HIF1A: variants seen among roughly 807,000 people sequenced by gnomAD.
HIF1A encodes hypoxia inducible factor 1 subunit alpha.
A neutral mutation model predicts 92.7 loss-of-function variants in HIF1A; 24 were observed. The observed-to-expected ratio is 0.26, with a 90% CI of 0.19 to 0.36. HIF1A has a LOEUF of 0.36. Among genes scored for constraint, HIF1A ranks in the 10% least tolerant of loss-of-function variants. The pLI, the probability that HIF1A is intolerant of heterozygous loss-of-function variation, is 1.00. For missense variants in HIF1A, 799 were observed against 998.5 expected, an observed-to-expected ratio of 0.80 and a Z score of 2.69; for synonymous variants, 319 against 338.7, an observed-to-expected ratio of 0.94 and a Z score of 0.64.
chr14:61,729,495 GA>G (rs1296979082), intron 6 of HIF1A, among the ~76,000 whole-genome samples: 1 of 150,694 alleles, frequency 6.6e-6, no homozygotes, highest in Non-Finnish European at 1.5e-5. Flanking sequence ...AAAGACCTCA[GA>G]AGGATGTTGT....
Position 61,727,746 on chromosome 14 carries a change from T to C in HIF1A, c.773+91T>C, listed in dbSNP as rs192503492. The C allele has an allele frequency of 4.4e-4, 427 of 964,732 alleles. 4 individuals are homozygous for C. The East Asian group carries it at 5.2e-3, about 12-fold the overall frequency. The allele number at this position is 964,732 out of a possible 1,614,324, so 59.8% of individuals were successfully genotyped here. On this transcript the variant is annotated intron_variant, in intron 6 of 14. Coordinates refer to ENST00000337138, the MANE Select transcript of HIF1A (RefSeq NM_001530.4). Reference sequence around the variant, plus strand: ...CATAGCAAAGATTCAGCGCTGGCCATGCATGGTGGCTCACACCTGTAATCC... The same window carrying C: ...CATAGCAAAGATTCAGCGCTGGCCACGCATGGTGGCTCACACCTGTAATCC...
chr14:61,702,355 G>A (rs1366633086), intron 1 of HIF1A, among the ~76,000 whole-genome samples: 15 of 149,430 alleles, frequency 1.0e-4, no homozygotes, highest in Admixed American at 8.0e-4. Flanking sequence ...CAGGAGAATC[G>A]CTTGAACCTG....
intron 9 of HIF1A, among the ~76,000 whole-genome samples, chr14:61,737,862 A>G (rs1257956467): frequency 6.6e-6 from 1 of 152,106 alleles, no homozygotes; most frequent in East Asian, 1.9e-4. Context: ...CCCCGTCTCT[A>G]CCAAAAATAC....
intron 1 of HIF1A, among the ~76,000 whole-genome samples, chr14:61,714,483 A>C (rs1249363513): frequency 6.6e-6 from 1 of 152,128 alleles, no homozygotes; most frequent in African/African-American, 2.4e-5. Flanking sequence ...GGAATTAAAA[A>C]CCTTGAGGAT....
At chr14:61,744,553 A>T (rs1347778477) in intron 12 of HIF1A, 152 bp from the exon 13 acceptor site, 1 of 405,028 alleles carries the variant, frequency 2.5e-6, no homozygotes, top group Non-Finnish European at 4.5e-6. Context: ...TACTTTTAAG[A>T]TGATAAACTT....
chr14:61,745,729 T>A lies in HIF1A; in HGVS notation c.2241T>A (p.Thr747=). 6.2e-7 allele frequency: 1 copy of A among 1,612,528 alleles called. No homozygotes were observed. The highest frequency in any genetic ancestry group is 8.5e-7 in the Non-Finnish European group (1 of 1,178,552). ...LLQQPDDHAA[T]TSLSWKRVKG... ...AGCAGCCAGACGATCATGCAGCTAC[T>A]ACATCACTTTCTTGGAAACGTGTAA... The change falls in exon 14 of 15, where the codon ACT becomes ACA. Residue 747 remains threonine, a synonymous_variant. Transcript: ENST00000337138.
At chr14:61,727,760 C>G in intron 6 of HIF1A, 105 bp downstream of exon 6, 2 of 832,750 alleles carry the variant, frequency 2.4e-6, no homozygotes, top group South Asian at 3.0e-5. Flanking sequence ...TGGTGGCTCA[C>G]ACCTGTAATC....
In HIF1A at chr14:61,747,130, T is replaced by C. The variant is rs2057482; in HGVS notation, c.*45T>C. 1,307,300 of 1,548,668 alleles carry C rather than the reference T, an allele frequency of 0.84. 554,863 individuals carry two copies. The highest frequency in any genetic ancestry group is 0.88 in the Admixed American group (44,694 of 50,772). On this transcript the variant is annotated 3_prime_UTR_variant, in exon 15 of 15. Transcript: ENST00000337138. ...CCTTTTTTTGGACACTGGTGGCTCATTACCTAAAGCAGTCTATTTATATTT... is the reference window on the plus strand; with the variant it reads ...CCTTTTTTTGGACACTGGTGGCTCACTACCTAAAGCAGTCTATTTATATTT...
chr14:61,732,395 A>C (rs765791202), intron 6 of HIF1A, 23 bp from the exon 7 acceptor site: 38 of 1,500,408 alleles, frequency 2.5e-5, no homozygotes, highest in Admixed American at 3.6e-5. Context: ...TTTTTTCTTA[A>C]ATCTTGTATT....
chr14:61,746,947 A>G lies in HIF1A; in HGVS notation c.2343A>G (p.Arg781=). 1 of 1,603,996 alleles carries G rather than the reference A, an allele frequency of 6.2e-7. No individual in the cohort carries two copies. Among genetic ancestry groups the G allele is most frequent in the South Asian group, 1.1e-5 (1 of 88,788 alleles). The change falls in exon 15 of 15, where the codon AGA becomes AGG. Residue 781 remains arginine, a synonymous_variant. Coordinates refer to ENST00000337138, the MANE Select transcript of HIF1A (RefSeq NM_001530.4). The part of the protein sequence containing the change: ...IILIPSDLAC[R]LLGQSMDESG... The stretch of plus-strand genomic sequence containing the variant: ...TTTGTTTTTCAGATTTAGCATGTAG[A>G]CTGCTGGGGCAATCAATGGATGAAA...
chr14:61,696,990 G>A (rs990430490), intron 1 of HIF1A, among the ~76,000 whole-genome samples: 3 of 152,138 alleles, frequency 2.0e-5, no homozygotes, highest in Admixed American at 1.3e-4. Context: ...ACACAATTTT[G>A]CCCACTTTGG....
At position 61,740,805 on chromosome 14, in the gene HIF1A, T is replaced by C; in HGVS notation, c.1710T>C (p.Asp570=). Residue 570 remains aspartate (D), a synonymous_variant, in exon 12 of 15, where the codon GAT becomes GAC. Coordinates refer to ENST00000337138, the MANE Select transcript of HIF1A (RefSeq NM_001530.4). The part of the protein sequence containing the change: ...EMLAPYIPMD[D]DFQLRSFDQL... ...TAGCTCCCTATATCCCAATGGATGATGACTTCCAGTTACGTTCCTTCGATC... is the reference window on the plus strand; with the variant it reads ...TAGCTCCCTATATCCCAATGGATGACGACTTCCAGTTACGTTCCTTCGATC... The C allele has an allele frequency of 6.2e-7, 1 of 1,614,158 alleles. No homozygotes were observed. The highest frequency in any genetic ancestry group is 8.5e-7 in the Non-Finnish European group (1 of 1,180,000).
intron 1 of HIF1A, among the ~76,000 whole-genome samples, chr14:61,702,291 A>AT (rs1284039183): frequency 4.0e-5 from 6 of 148,706 alleles, no homozygotes; most frequent in Admixed American, 4.0e-4. Flanking sequence ...AAAAAAAAAA[A>AT]ATAGCAGGAT....
intron 8 of HIF1A, among the ~76,000 whole-genome samples, chr14:61,735,757 C>G (rs1001501894): frequency 6.6e-6 from 1 of 152,188 alleles, no homozygotes. Flanking sequence ...TATATTCTTA[C>G]CACCAAAGAA....
intron 1 of HIF1A, among the ~76,000 whole-genome samples, chr14:61,706,937 G>A (rs1309194117): frequency 6.6e-6 from 1 of 152,162 alleles, no homozygotes; most frequent in Non-Finnish European, 1.5e-5. Flanking sequence ...ATATACCACA[G>A]GTCAACCATT....
chr14:61,743,986 C>A (rs1004019980), intron 12 of HIF1A, among the ~76,000 whole-genome samples: 4 of 152,126 alleles, frequency 2.6e-5, no homozygotes, highest in Non-Finnish European at 5.9e-5. Flanking sequence ...CCTGCCTTAT[C>A]TGTCTTGGGA....
intron 1 of HIF1A, among the ~76,000 whole-genome samples, chr14:61,698,671 C>T (rs1318728235): frequency 6.6e-6 from 1 of 152,164 alleles, no homozygotes; most frequent in East Asian, 1.9e-4. Context: ...AACATTGGAT[C>T]CAGAGCTTGA....
At chr14:61,728,888 T>C (rs2140144161) in intron 6 of HIF1A, among the ~76,000 whole-genome samples, 1 of 152,232 alleles carries the variant, frequency 6.6e-6, no homozygotes, top group Non-Finnish European at 1.5e-5. Context: ...CTTCCCTCCA[T>C]CTTTGCACAC....
chr14:61,711,047 CAAAAAAA>C (rs60358775), intron 1 of HIF1A, among the ~76,000 whole-genome samples: 3 of 113,490 alleles, frequency 2.6e-5, no homozygotes, highest in Non-Finnish European at 3.8e-5. Flanking sequence ...GACTCTGTCT[CAAAAAAA>C]AAAAAAAAAA....
Sources: gnomAD v4.1 joint callset for allele counts (sites outside exome capture counted in the v4.1 genomes callset) on GRCh38, gnomAD v4.1.1 for gene constraint, MANE v1.5 for transcripts, NCBI Gene and HGNC (gene_info 2026-07-23, HGNC 2026-07-21) for gene names.